CDC14B: variants seen among roughly 807,000 people sequenced by gnomAD.
CDC14B encodes the protein dual specificity protein phosphatase CDC14B.
CDC14B carries 22 observed loss-of-function variants against 64.2 expected under a neutral mutation model. The observed-to-expected ratio is 0.34, with a 90% CI of 0.24 to 0.49. CDC14B has a LOEUF of 0.49. Among genes scored for constraint, CDC14B ranks in the 20% least tolerant of loss-of-function variants. The pLI, the probability that CDC14B is intolerant of heterozygous loss-of-function variation, is 0.99. For missense variants in CDC14B, 498 were observed against 629.9 expected (o/e 0.79, Z 2.24); for synonymous variants, 191 against 215.8 (o/e 0.89, Z 1.01).
chr9:96,533,412 C>T (rs773725398), intron 9 of CDC14B, among the ~76,000 whole-genome samples: 8 of 152,176 alleles, frequency 5.3e-5, no homozygotes, highest in Non-Finnish European at 1.0e-4. Flanking sequence ...ATCAGTCTCC[C>T]CCTTTCCCCA....
At chr9:96,553,836 A>G (rs1842143635) in intron 4 of CDC14B, among the ~76,000 whole-genome samples, 1 of 152,092 alleles carries the variant, frequency 6.6e-6, no homozygotes, top group African/African-American at 2.4e-5. Context: ...ATTCTATTTT[A>G]AGACTTCCTA....
At chr9:96,587,551 C>T (rs1845522006) in intron 1 of CDC14B, among the ~76,000 whole-genome samples, 1 of 152,184 alleles carries the variant, frequency 6.6e-6, no homozygotes, top group Non-Finnish European at 1.5e-5. Flanking sequence ...TGAGCTCACA[C>T]CAGACACTCA....
chr9:96,576,242 T>C (rs1844795676), intron 1 of CDC14B, among the ~76,000 whole-genome samples: 1 of 152,032 alleles, frequency 6.6e-6, no homozygotes, highest in African/African-American at 2.4e-5. Flanking sequence ...ATCATGCCAC[T>C]GCACTCCAGC....
intron 9 of CDC14B, among the ~76,000 whole-genome samples, chr9:96,525,730 C>T (rs958715833): frequency 2.0e-5 from 3 of 152,176 alleles, no homozygotes; most frequent in African/African-American, 4.8e-5. Context: ...CATCCCATCA[C>T]AGCTGGGAGG....
chr9:96,566,632 GT>G lies in CDC14B; in HGVS notation c.161-1150del, dbSNP rs1843999884. On this transcript the variant is annotated intron_variant, in intron 1 of 13. Coordinates refer to ENST00000375241, the MANE Select transcript of CDC14B (RefSeq NM_033331.4). Reference sequence around the variant, plus strand: ...GCTGTAGCCCAGAGCCTGGGGACAAGTGCCGAGGCCACCCACACGCAGGAGA... The same window carrying G: ...GCTGTAGCCCAGAGCCTGGGGACAAGGCCGAGGCCACCCACACGCAGGAGA... 3 of 804,994 alleles carry G rather than the reference GT, an allele frequency of 3.7e-6. No individual in the cohort carries two copies. The South Asian group carries it at 5.0e-5, about 13-fold the overall frequency. The allele number at this position is 804,994 out of a possible 1,614,324, so 49.9% of individuals were successfully genotyped here.
At chr9:96,498,880 G>C (rs1361560201), downstream of CDC14B, among the ~76,000 whole-genome samples, 7 of 152,238 alleles carry the variant, frequency 4.6e-5, no homozygotes, top group Admixed American at 2.0e-4. Context: ...AGTGGCTCTA[G>C]ATGACAGGGA....
intron 1 of CDC14B, chr9:96,566,881 C>T: frequency 1.3e-6 from 2 of 1,564,172 alleles, no homozygotes; most frequent in Admixed American, 1.9e-5. Flanking sequence ...GGGGAGGCGC[C>T]GCGACCACAC....
chr9:96,498,051 G>C (rs1298081321), downstream of CDC14B, among the ~76,000 whole-genome samples: 2 of 152,236 alleles, frequency 1.3e-5, no homozygotes, highest in African/African-American at 2.4e-5. Flanking sequence ...AATTTCTGCA[G>C]AACACGGATG....
intron 4 of CDC14B, among the ~76,000 whole-genome samples, chr9:96,559,193 C>T (rs1842854948): frequency 6.6e-6 from 1 of 152,216 alleles, no homozygotes; most frequent in Non-Finnish European, 1.5e-5. Context: ...AGGATTACCT[C>T]ACACTCTCTG....
rs1399985434 is a variant in CDC14B, at chr9:96,566,491, C to A, written c.161-1008G>T. ...GACAGGGCTTAATCCTTTCCAACCA[C>A]AAGGACCTTTGATCCCTGTGACAGA... On this transcript the variant is annotated intron_variant, in intron 1 of 13. Coordinates refer to ENST00000375241, the MANE Select transcript of CDC14B (RefSeq NM_033331.4). Among the ~76,000 whole-genome samples the A allele has an allele frequency of 1.3e-5, 2 of 152,186 alleles. 1 individual carries two copies. The highest frequency in any genetic ancestry group is 2.9e-5 in the Non-Finnish European group (2 of 68,030).
intron 1 of CDC14B, among the ~76,000 whole-genome samples, chr9:96,582,957 A>C (rs1166816725): frequency 6.6e-6 from 1 of 152,202 alleles, no homozygotes; most frequent in Non-Finnish European, 1.5e-5. Context: ...TTTAAGCTAC[A>C]ACAGGGAGCC....
At position 96,564,763 on chromosome 9, in the gene CDC14B, C is replaced by T. The variant is rs1299003830; in HGVS notation, c.327+14G>A. Reference sequence around the variant, plus strand: ...CTAACAATGATTACTTAAGTCAAATCTTAAAGACTTTACCTTTAATTTCTT... The same window carrying T: ...CTAACAATGATTACTTAAGTCAAATTTTAAAGACTTTACCTTTAATTTCTT... On this transcript the variant is annotated intron_variant, in intron 3 of 13. Coordinates refer to ENST00000375241, the MANE Select transcript of CDC14B (RefSeq NM_033331.4). 2.0e-6 allele frequency: 3 copies of T among 1,518,492 alleles called. No individual in the cohort carries two copies. The highest frequency in any genetic ancestry group is 2.3e-5 in the East Asian group (1 of 43,642). 94.1% of individuals were successfully genotyped at this position (1,518,492 alleles called of 1,614,324 possible). A position where few individuals can be genotyped will look rare whatever the true frequency, so the allele number is the denominator to read the frequency against.
At chr9:96,593,131 G>A (rs1845878543) in intron 1 of CDC14B, among the ~76,000 whole-genome samples, 1 of 152,108 alleles carries the variant, frequency 6.6e-6, no homozygotes, top group Non-Finnish European at 1.5e-5. Flanking sequence ...CATGTAATGT[G>A]CAAGACAGGT....
chr9:96,572,460 C>T (rs1207604705), intron 1 of CDC14B, among the ~76,000 whole-genome samples: 1 of 152,146 alleles, frequency 6.6e-6, no homozygotes, highest in Non-Finnish European at 1.5e-5. Flanking sequence ...CAGAAATCCA[C>T]ACATATTACA....
intron 1 of CDC14B, among the ~76,000 whole-genome samples, chr9:96,615,445 T>C (rs1449217627): frequency 1.3e-5 from 2 of 152,210 alleles, no homozygotes; most frequent in African/African-American, 4.8e-5. Flanking sequence ...TCCTGGGATC[T>C]ATGGGAATTC....
rs924466804 is a variant in CDC14B at position 96,500,245 on chromosome 9, T to G, written c.*3508A>C. The G allele has an allele frequency of 6.6e-6, 1 of 152,574 alleles. No homozygotes were observed. The highest frequency in any genetic ancestry group is 1.5e-5 in the Non-Finnish European group (1 of 68,028). The allele number at this position is 152,574 out of a possible 1,614,324, so 9.5% of individuals were successfully genotyped here. On this transcript the variant is annotated 3_prime_UTR_variant, in exon 14 of 14. Transcript: ENST00000375241. ...TATCAAACTACATACATATGCAAAGTTTACACGCCATTAGGAAGCTTTATC... is the reference window on the plus strand; with the variant it reads ...TATCAAACTACATACATATGCAAAGGTTACACGCCATTAGGAAGCTTTATC...
At chr9:96,511,717 T>C (rs1332842748) in intron 12 of CDC14B, among the ~76,000 whole-genome samples, 1 of 152,198 alleles carries the variant, frequency 6.6e-6, no homozygotes. Context: ...CAGAGGGACA[T>C]GAATCCTGGA....
At chr9:96,585,863 A>C (rs1266706341) in intron 1 of CDC14B, among the ~76,000 whole-genome samples, 1 of 152,242 alleles carries the variant, frequency 6.6e-6, no homozygotes, top group Non-Finnish European at 1.5e-5. Flanking sequence ...CCAAATGTAC[A>C]TCAATAAGAC....
rs373160930 is a variant in CDC14B, at chr9:96,560,582, C to CTTTTTTTTTTTTTTTTTTTTT, written c.420+2110_420+2111insAAAAAAAAAAAAAAAAAAAAA. On this transcript the variant is annotated intron_variant, in intron 4 of 13. Transcript: ENST00000375241. ...GGTTCATACATAGACTTTTCTCTTT[C>CTTTTTTTTTTTTTTTTTTTTT]TCTTTTTTTTTTTTTTTTTGAGACG... 2.3e-5 allele frequency among the ~76,000 whole-genome samples: 3 copies of CTTTTTTTTTTTTTTTTTTTTT among 127,692 alleles called. 1 individual carries two copies. Among genetic ancestry groups the CTTTTTTTTTTTTTTTTTTTTT allele is most frequent in the Non-Finnish European group, 3.3e-5 (2 of 61,364 alleles). The allele number at this position is 127,692 out of a possible 152,430, so 83.8% of individuals were successfully genotyped here.
Sources: allele counts gnomAD v4.1 joint callset (sites outside exome capture counted in the v4.1 genomes callset), GRCh38; gene constraint gnomAD v4.1.1; transcripts MANE v1.5; gene names NCBI Gene and HGNC (gene_info 2026-07-23, HGNC 2026-07-21).